PROX1: variants seen among roughly 807,000 people sequenced by gnomAD.
PROX1 encodes prospero homeobox 1, also known as prospero homeobox protein 1.
PROX1 carries 7 observed loss-of-function variants against 58.8 expected under a neutral mutation model. The observed-to-expected ratio is 0.12, with a 90% CI of 0.07 to 0.22. PROX1 has a LOEUF of 0.22. Among genes scored for constraint, PROX1 ranks in the 10% least tolerant of loss-of-function variants. The probability of loss-of-function intolerance (pLI) is 1.00; values close to 1 mark genes in which losing one functional copy is unlikely to be tolerated. For missense variants in PROX1, 675 were observed against 927.8 expected (o/e 0.73, Z 3.54); for synonymous variants, 350 against 358.3 (o/e 0.98, Z 0.26).
chr1:213,993,372 C>T (rs72753589), intron 1 of PROX1, among the ~76,000 whole-genome samples: 3,397 of 152,170 alleles, frequency 0.022, 82 homozygotes, highest in Non-Finnish European at 0.035. Context: ...ATAATAATTG[C>T]AGGTGAAACA....
chr1:214,027,066 T>C (rs1419397210), intron 4 of PROX1, among the ~76,000 whole-genome samples: 1 of 152,204 alleles, frequency 6.6e-6, no homozygotes, highest in African/African-American at 2.4e-5. Flanking sequence ...AAACTCCATG[T>C]AGGTGACAGG....
chr1:213,997,235 G>A lies in PROX1; in HGVS notation c.700G>A (p.Glu234Lys). ...LVSARKEQKR[E>K]ERRQLKQQLE... ...TTCAGCCCGAAAAGAACAGAAGCGA[G>A]AGGAGCGCCGACAGCTGAAACAGCA... The change falls in exon 2 of 5, where the codon GAG (glutamate) becomes AAG (lysine). Residue 234 changes from glutamate to lysine, a missense_variant. Transcript: ENST00000366958. The surrounding 1 kb of genome is among the most constrained non-coding windows in gnomAD (Gnocchi z 7.1). The A allele has an allele frequency of 1.2e-6, 2 of 1,612,906 alleles. No individual in the cohort carries two copies. Among genetic ancestry groups the A allele is most frequent in the Non-Finnish European group, 1.7e-6 (2 of 1,179,574 alleles).
In PROX1 at chr1:214,041,133, T is replaced by C. The variant is rs1284737890; in HGVS notation, c.*5299T>C. 6.6e-6 allele frequency: 1 copy of C among 152,192 alleles called. No homozygotes were observed. The highest frequency in any genetic ancestry group is 1.5e-5 in the Non-Finnish European group (1 of 68,012). 9.4% of individuals were successfully genotyped at this position (152,192 alleles called of 1,614,324 possible). A position where few individuals can be genotyped will look rare whatever the true frequency, so the allele number is the denominator to read the frequency against. ...CTCTCCAAACTTTTACCTTTTGCTT[T>C]GTACCACTTAAAGGATACAGTAGTC... On this transcript the variant is annotated 3_prime_UTR_variant, in exon 5 of 5. Transcript: ENST00000366958.
At chr1:214,029,866 A>C (rs915178201) in intron 4 of PROX1, 3 of 152,524 alleles carry the variant, frequency 2.0e-5, no homozygotes, top group Non-Finnish European at 4.4e-5. Flanking sequence ...TGTAAAAGCC[A>C]TCTGAAATAT....
chr1:213,989,348 G>A (rs928324131), intron 1 of PROX1, among the ~76,000 whole-genome samples: 5 of 152,004 alleles, frequency 3.3e-5, no homozygotes, highest in African/African-American at 9.7e-5. Context: ...TCGCGTGGCG[G>A]TGGGATTGGG....
intron 4 of PROX1, among the ~76,000 whole-genome samples, chr1:214,022,643 G>A (rs528722584): frequency 9.9e-5 from 15 of 152,204 alleles, no homozygotes; most frequent in Non-Finnish European, 1.8e-4. Flanking sequence ...TGGGGGTGGT[G>A]GAAGGAGCAC....
intron 4 of PROX1, among the ~76,000 whole-genome samples, chr1:214,020,674 G>C (rs1334583260): frequency 6.6e-6 from 1 of 152,150 alleles, no homozygotes; most frequent in Non-Finnish European, 1.5e-5. Context: ...TAATTGATCT[G>C]TGTTAGCATA....
chr1:214,024,495 T>C (rs909709619), intron 4 of PROX1, among the ~76,000 whole-genome samples: 6 of 152,174 alleles, frequency 3.9e-5, no homozygotes, highest in Non-Finnish European at 1.5e-5. Flanking sequence ...TTGTGTTCTC[T>C]GAAGCTCTGT....
intron 4 of PROX1, among the ~76,000 whole-genome samples, chr1:214,027,409 A>C (rs746358066): frequency 7.2e-5 from 11 of 152,190 alleles, no homozygotes; most frequent in Non-Finnish European, 1.5e-4. Context: ...AAAGTCAAGC[A>C]TCAACCGAAA....
chr1:213,996,482 T>A lies in PROX1; in HGVS notation c.-54T>A, dbSNP rs1197552407. 19 of 1,543,554 alleles carry A rather than the reference T, an allele frequency of 1.2e-5. No individual in the cohort carries two copies. The highest frequency in any genetic ancestry group is 1.7e-5 in the Non-Finnish European group (19 of 1,144,164). ...TCTGTTGGCCAGGGTCCCGGGATTC[T>A]TGAGCTGTGCCCAGCTGACGAGCTT... is the stretch of plus-strand genomic sequence containing the variant. On this transcript the variant is annotated 5_prime_UTR_variant, in exon 2 of 5. The change creates a new upstream start codon in the 5' untranslated region. Coordinates refer to ENST00000366958, the MANE Select transcript of PROX1 (RefSeq NM_001270616.2).
chr1:214,005,014 C>T (rs1663655758), intron 2 of PROX1, 151 bp from the exon 3 acceptor site: 1 of 534,376 alleles, frequency 1.9e-6, no homozygotes, highest in Non-Finnish European at 3.3e-6. Context: ...AGCAAGTTAG[C>T]AATGGATGCC....
Position 214,035,721 on chromosome 1 carries a change from G to A in PROX1, c.2101G>A (p.Asp701Asn), listed in dbSNP as rs1664807979. The A allele has an allele frequency of 6.2e-7, 1 of 1,613,968 alleles. No homozygotes were observed. Among genetic ancestry groups the A allele is most frequent in the Non-Finnish European group, 8.5e-7 (1 of 1,179,930 alleles). ...EFFNAIIAGK[D>N]VDPSWKKAIY... Reference sequence around the variant, plus strand: ...TTTCAATGCCATTATCGCAGGCAAAGATGTTGATCCTTCCTGGAAGAAGGC... The same window carrying A: ...TTTCAATGCCATTATCGCAGGCAAAAATGTTGATCCTTCCTGGAAGAAGGC... The change falls in exon 5 of 5, where the codon GAT becomes AAT. Residue 701 changes from aspartate (D) to asparagine (N), a missense_variant. Physicochemically the swap from Asp to Asn is conservative, Grantham distance 23 (BLOSUM62 1). This residue lies in a region of PROX1 where 50 missense variants were observed against 79.3 expected (regional missense o/e 0.63). Transcript: ENST00000366958.
At chr1:213,995,531 T>C (rs1019774855) in intron 1 of PROX1, among the ~76,000 whole-genome samples, 2 of 152,210 alleles carry the variant, frequency 1.3e-5, no homozygotes, top group South Asian at 2.1e-4. Context: ...AAGAGTTTCT[T>C]TGGGCATTGG....
intron 4 of PROX1, among the ~76,000 whole-genome samples, chr1:214,025,909 G>A (rs574271894): frequency 8.3e-4 from 126 of 152,130 alleles, no homozygotes; most frequent in Admixed American, 3.4e-3. Flanking sequence ...TGATTCACCC[G>A]CCTCAGCCTC....
upstream of PROX1, among the ~76,000 whole-genome samples, chr1:213,986,692 A>G (rs1412043876): frequency 1.3e-5 from 2 of 152,240 alleles, no homozygotes; most frequent in East Asian, 1.9e-4. Context: ...CTAATAGACT[A>G]TGTATGAATG....
At chr1:214,026,797 C>A (rs557120184) in intron 4 of PROX1, among the ~76,000 whole-genome samples, 8 of 152,112 alleles carry the variant, frequency 5.3e-5, no homozygotes, top group Non-Finnish European at 1.2e-4. Context: ...GGGGTTTGGC[C>A]GGTAGCAGCC....
chr1:214,001,557 T>A (rs1448427791), intron 2 of PROX1, among the ~76,000 whole-genome samples: 1 of 152,204 alleles, frequency 6.6e-6, no homozygotes, highest in African/African-American at 2.4e-5. Flanking sequence ...GTGAAGAAAT[T>A]GAGCCTGTTC....
intron 4 of PROX1, among the ~76,000 whole-genome samples, chr1:214,025,066 T>C (rs1158588779): frequency 6.6e-6 from 1 of 152,210 alleles, no homozygotes; most frequent in African/African-American, 2.4e-5. Flanking sequence ...AGATGTGTCA[T>C]GAAGCAGGGA....
chr1:213,986,867 A>G (rs941697376), upstream of PROX1, among the ~76,000 whole-genome samples: 2 of 152,220 alleles, frequency 1.3e-5, no homozygotes, highest in Non-Finnish European at 2.9e-5. Context: ...GAGATCTTTA[A>G]GAGCCACATT....
Sources: gnomAD v4.1 joint callset for allele counts (sites outside exome capture counted in the v4.1 genomes callset) on GRCh38, gnomAD v4.1.1 for gene constraint, gnomAD v4.1.1 regional missense constraint, Gnocchi (gnomAD v3.1) non-coding constraint, MANE v1.5 for transcripts, NCBI Gene and HGNC (gene_info 2026-07-23, HGNC 2026-07-21) for gene names.